C11orf16: variants seen among roughly 807,000 people sequenced by gnomAD.
C11orf16 encodes the protein chromosome 11 open reading frame 16, also known as uncharacterized protein C11orf16.
C11orf16 carries 38 observed loss-of-function variants against 45.1 expected under a neutral mutation model. The ratio of observed to expected loss-of-function variants is 0.84; its 90% CI spans 0.65 to 1.10. C11orf16 has a LOEUF of 1.10. Ranked by LOEUF, C11orf16 falls within the 50% of genes least tolerant of loss-of-function variation. The probability of loss-of-function intolerance (pLI) is 0.00; values close to 1 mark genes in which losing one functional copy is unlikely to be tolerated. For synonymous variants in C11orf16, 221 were observed against 222.0 expected (o/e 1.00, Z 0.04); for missense variants, 583 against 569.5 (o/e 1.02, Z -0.24).
chr11:8,930,851 C>A (rs1255303202), intron 2 of C11orf16, among the ~76,000 whole-genome samples: 1 of 152,160 alleles, frequency 6.6e-6, no homozygotes, highest in African/African-American at 2.4e-5. Flanking sequence ...CCTCAGCCCC[C>A]CTCAGCCTCC....
intron 3 of C11orf16, among the ~76,000 whole-genome samples, chr11:8,928,504 A>T (rs1279747651): frequency 5.3e-5 from 8 of 152,204 alleles, no homozygotes; most frequent in African/African-American, 1.9e-4. Context: ...TTTAAAGTAC[A>T]CTTTCTTCTC....
intron 5 of C11orf16, among the ~76,000 whole-genome samples, chr11:8,922,941 C>A (rs991039424): frequency 6.6e-6 from 1 of 152,206 alleles, no homozygotes; most frequent in Non-Finnish European, 1.5e-5. Context: ...CGGGCATGCT[C>A]TCCATATATT....
chr11:8,921,219 G>A, intron 6 of C11orf16, 75 bp downstream of exon 6: 1 of 1,133,072 alleles, frequency 8.8e-7, no homozygotes, highest in South Asian at 1.4e-5. Flanking sequence ...TGTTCTCAAA[G>A]GGGATGTGAC....
At chr11:8,927,466 C>T (rs1460011713) in intron 3 of C11orf16, 2 of 466,510 alleles carry the variant, frequency 4.3e-6, no homozygotes, top group African/African-American at 2.0e-5. Context: ...TTTCTTTCCT[C>T]CTACCAAATT....
At position 8,926,940 on chromosome 11, in the gene C11orf16, C is replaced by T. The variant is rs755303099; in HGVS notation, c.559G>A (p.Ala187Thr). Residue 187 changes from alanine (A) to threonine (T), a missense_variant and splice_region_variant, in exon 4 of 7, where the codon GCA becomes ACA. Transcript: ENST00000326053. ...LGLEMRDPQR[A>T]SKEKEITVHF... is the part of the protein sequence containing the mutation. Reference sequence around the variant, plus strand: ...GATGGGTCAGAGCAGCTTCTCTTACCTCTCTGGGGATCTCTCATCTCCAAG... The same window carrying T: ...GATGGGTCAGAGCAGCTTCTCTTACTTCTCTGGGGATCTCTCATCTCCAAG... 1.1e-5 allele frequency: 18 copies of T among 1,612,404 alleles called. No homozygotes were observed. The highest frequency in any genetic ancestry group is 6.7e-5 in the East Asian group (3 of 44,876).
At position 8,926,152 on chromosome 11, in the gene C11orf16, TCTC is replaced by T. The variant is rs764666494; in HGVS notation, c.560-48_560-46del. 32 of 1,453,912 alleles carry T rather than the reference TCTC, an allele frequency of 2.2e-5. 1 individual carries two copies. In the South Asian group the frequency reaches 4.2e-4, roughly 19 times the overall value. 90.1% of individuals were successfully genotyped at this position (1,453,912 alleles called of 1,614,324 possible). On this transcript the variant is annotated intron_variant, in intron 4 of 6. Transcript: ENST00000326053. ...AACATTTTGTTATAATTACCAATTA[TCTC>T]CTTTTTTTTCTTTTTTCTTTTTTTC...
At chr11:8,925,075 ACT>A (rs1207314628) in intron 5 of C11orf16, among the ~76,000 whole-genome samples, 1 of 152,180 alleles carries the variant, frequency 6.6e-6, no homozygotes, top group East Asian at 1.9e-4. Flanking sequence ...CAGTGCATCA[ACT>A]CTGATCAACA....
intron 4 of C11orf16, 79 bp downstream of exon 4, chr11:8,926,861 G>A (rs1408634535): frequency 2.2e-5 from 25 of 1,154,138 alleles, no homozygotes; most frequent in Non-Finnish European, 2.5e-5. Flanking sequence ...AGCTGTAGAC[G>A]CAGCCTTGGC....
chr11:8,925,503 A>T lies in C11orf16; in HGVS notation c.1164T>A (p.Tyr388Ter), dbSNP rs766025894. 2 of 1,614,124 alleles carry T rather than the reference A, an allele frequency of 1.2e-6. No individual in the cohort carries two copies. Among genetic ancestry groups the T allele is most frequent in the East Asian group, 2.2e-5 (1 of 44,878 alleles). The stretch of plus-strand genomic sequence containing the variant: ...ATGGCTCAGGCCCGTTTCTCTTCCA[A>T]TACCTCCACTCAGGCTGGCAGAGGC... ...QSGLCQPEWR[Y>*]WKRNGPEPCL... Residue 388 changes from tyrosine to a stop codon, truncating the protein, a stop_gained, in exon 5 of 7, where the codon TAT (tyrosine) becomes TAA (stop). Transcript: ENST00000326053. LOFTEE classifies it high-confidence loss of function.
chr11:8,932,083 C>G, intron 2 of C11orf16, 59 bp downstream of exon 2: 1 of 1,473,308 alleles, frequency 6.8e-7, no homozygotes, highest in Non-Finnish European at 9.0e-7. Flanking sequence ...CACCAACAGC[C>G]AAGAACAAAG....
rs1308567042 is a variant in C11orf16 at position 8,929,439 on chromosome 11, C to T, written c.262G>A (p.Val88Ile). The T allele has an allele frequency of 9.9e-6, 16 of 1,614,036 alleles. No homozygotes were observed. The highest frequency in any genetic ancestry group is 1.4e-5 in the Non-Finnish European group (16 of 1,180,034). Residue 88 changes from valine (V) to isoleucine (I), a missense_variant, in exon 3 of 7, where the codon GTC (valine) becomes ATC (isoleucine). Physicochemically the swap from Val to Ile is conservative, Grantham distance 29 (BLOSUM62 3). Coordinates refer to ENST00000326053, the MANE Select transcript of C11orf16 (RefSeq NM_020643.3). ...GRAGDAANTW[V>I]LARREADGFY... Reference sequence around the variant, plus strand: ...CCATCTGCTTCCCTTCTTGCTAGGACCCATGTGTTGGCAGCATCTCCAGCT... The same window carrying T: ...CCATCTGCTTCCCTTCTTGCTAGGATCCATGTGTTGGCAGCATCTCCAGCT...
chr11:8,928,255 A>G (rs1206540864), intron 3 of C11orf16, among the ~76,000 whole-genome samples: 1 of 152,108 alleles, frequency 6.6e-6, no homozygotes, highest in East Asian at 1.9e-4. Flanking sequence ...TTTTTAAAGA[A>G]TTTACACTAG....
Position 8,925,819 on chromosome 11 carries a change from C to T in C11orf16, c.848G>A (p.Cys283Tyr), listed in dbSNP as rs77516847. ...CCQLLCQGCLCGCPPCGTTWW... is the reference protein window; with the variant it reads ...CCQLLCQGCLYGCPPCGTTWW... ...AGTCGTGCCACATGGCGGGCAGCCA[C>T]AGAGGCAGCCCTGGCACAGTAGCTG... is the stretch of plus-strand genomic sequence containing the variant. The change falls in exon 5 of 7, where the codon TGT becomes TAT. Residue 283 changes from cysteine (C) to tyrosine (Y), a missense_variant. Coordinates refer to ENST00000326053, the MANE Select transcript of C11orf16 (RefSeq NM_020643.3). 6.2e-7 allele frequency: 1 copy of T among 1,614,204 alleles called. No homozygotes were observed. Among genetic ancestry groups the T allele is most frequent in the South Asian group, 1.1e-5 (1 of 91,086 alleles).
chr11:8,926,217 G>C, intron 4 of C11orf16, 110 bp from the exon 5 acceptor site: 1 of 1,054,854 alleles, frequency 9.5e-7, no homozygotes, highest in Non-Finnish European at 1.3e-6. Context: ...GACAGGGTCT[G>C]GCTCAGGCTG....
chr11:8,928,242 A>G (rs554651779), intron 3 of C11orf16, among the ~76,000 whole-genome samples: 1 of 152,282 alleles, frequency 6.6e-6, no homozygotes, highest in East Asian at 1.9e-4. Context: ...TCTGAAATTC[A>G]TATTTTTAAA....
chr11:8,921,994 G>GA (rs1566110834), intron 5 of C11orf16, among the ~76,000 whole-genome samples: 2 of 152,082 alleles, frequency 1.3e-5, no homozygotes, highest in Non-Finnish European at 2.9e-5. Flanking sequence ...TATTTTTAGA[G>GA]AAAAAAATTG....
In C11orf16 at chr11:8,926,237, G is replaced by A. The variant is rs2064612568; in HGVS notation, c.560-130C>T. 3 of 896,666 alleles carry A rather than the reference G, an allele frequency of 3.3e-6. No individual in the cohort carries two copies. In the Admixed American group the frequency reaches 1.0e-4, roughly 30 times the overall value. The allele number at this position is 896,666 out of a possible 1,614,324, so 55.5% of individuals were successfully genotyped here. On this transcript the variant is annotated intron_variant, in intron 4 of 6. Coordinates refer to ENST00000326053, the MANE Select transcript of C11orf16 (RefSeq NM_020643.3). ...GGTCTGGCTCAGGCTGGAGTGCAGT[G>A]GCACAGTGATAGCTCACTGCAGCCT...
rs778378634 is a variant in C11orf16, at chr11:8,926,135, G to A, written c.560-28C>T. The A allele has an allele frequency of 1.9e-5, 24 of 1,296,168 alleles. No homozygotes were observed. The Admixed American group carries it at 6.0e-4, about 32-fold the overall frequency. 80.3% of individuals were successfully genotyped at this position (1,296,168 alleles called of 1,614,324 possible). On this transcript the variant is annotated intron_variant, in intron 4 of 6. Transcript: ENST00000326053. ...ACATAACAAAAAATGGCAACATTTTGTTATAATTACCAATTATCTCCTTTT... is the reference window on the plus strand; with the variant it reads ...ACATAACAAAAAATGGCAACATTTTATTATAATTACCAATTATCTCCTTTT...
At chr11:8,932,066 G>C in intron 2 of C11orf16, 76 bp downstream of exon 2, 9 of 1,412,182 alleles carry the variant, frequency 6.4e-6, no homozygotes, top group Non-Finnish European at 7.5e-6. Flanking sequence ...TGTCCACCAA[G>C]GTCTACCACC....
Sources: gnomAD v4.1 joint callset for allele counts (sites outside exome capture counted in the v4.1 genomes callset) on GRCh38, gnomAD v4.1.1 for gene constraint, MANE v1.5 for transcripts, NCBI Gene and HGNC (gene_info 2026-07-23, HGNC 2026-07-21) for gene names.